NAA35: variants seen among roughly 807,000 people sequenced by gnomAD.
The protein encoded by NAA35 is MAK10 homolog, amino-acid N-acetyltransferase subunit.
Under a neutral mutation model 101.7 loss-of-function variants are expected in NAA35, and 18 were observed. The ratio of observed to expected loss-of-function variants is 0.18; its 90% confidence interval spans 0.12 to 0.26. The LOEUF is 0.26. Among genes scored for constraint, NAA35 ranks in the 10% least tolerant of loss-of-function variants. The probability of loss-of-function intolerance (pLI) is 1.00; values close to 1 mark genes in which losing one functional copy is unlikely to be tolerated. For missense variants in NAA35, 601 were observed against 886.8 expected (o/e 0.68, Z 4.09); for synonymous variants, 267 against 273.1 (o/e 0.98, Z 0.22).
intron 11 of NAA35, among the ~76,000 whole-genome samples, chr9:85,988,096 C>A (rs1830729335): frequency 6.6e-6 from 1 of 152,184 alleles, no homozygotes; most frequent in Non-Finnish European, 1.5e-5. Context: ...AACACATGCA[C>A]ACGGGCACAT....
In NAA35 at chr9:86,013,792, T is replaced by C; in HGVS notation, c.1463T>C (p.Leu488Ser). The change falls in exon 17 of 23, where the codon TTA (leucine) becomes TCA (serine). Residue 488 changes from leucine to serine, a missense_variant. Physicochemically the swap from Leu to Ser is moderately radical, Grantham distance 145. Around this residue, in one of 8 missense-constraint regions of NAA35, gnomAD observed 99 missense variants for 206.7 expected, o/e 0.48. Transcript: ENST00000361671. ...CCCCAAAGGCAACATTTGGCCTGTT[T>C]AGGTACCTGGGTCCTTTACCATAAC... is the stretch of plus-strand genomic sequence containing the variant. The part of the protein sequence containing the change: ...QEPQRQHLAC[L>S]GTWVLYHNLR... The C allele has an allele frequency of 6.2e-7, 1 of 1,614,166 alleles. No homozygotes were observed. The highest frequency in any genetic ancestry group is 8.5e-7 in the Non-Finnish European group (1 of 1,179,998).
intron 12 of NAA35, 30 bp downstream of exon 12, chr9:85,996,607 A>G: frequency 6.8e-7 from 1 of 1,469,866 alleles, no homozygotes. Context: ...CCAGAATGTA[A>G]CTTCCATTTA....
intron 5 of NAA35, among the ~76,000 whole-genome samples, chr9:85,960,845 A>G (rs1829482589): frequency 6.6e-6 from 1 of 152,228 alleles, no homozygotes; most frequent in South Asian, 2.1e-4. Flanking sequence ...GAAAGGAATT[A>G]ATACTGGTGT....
intron 6 of NAA35, among the ~76,000 whole-genome samples, chr9:85,969,978 A>C (rs1006367196): frequency 3.2e-4 from 49 of 152,110 alleles, no homozygotes; most frequent in Admixed American, 2.9e-3. Context: ...GTCATCAAAG[A>C]CCTCAGTGTT....
At chr9:85,962,207 T>C (rs1564292018) in intron 6 of NAA35, 27 bp downstream of exon 6, 2 of 1,607,932 alleles carry the variant, frequency 1.2e-6, no homozygotes, top group East Asian at 2.2e-5. Flanking sequence ...TAAGAAATCC[T>C]TGGCCAGGTG....
intron 3 of NAA35, 56 bp downstream of exon 3, chr9:85,956,449 TC>T: frequency 2.8e-6 from 3 of 1,084,176 alleles, no homozygotes; most frequent in Non-Finnish European, 3.9e-6. Context: ...TGTTTTTTTT[TC>T]CTCATGTGGA....
At chr9:85,973,961 T>C (rs1382092317) in intron 6 of NAA35, among the ~76,000 whole-genome samples, 1 of 152,054 alleles carries the variant, frequency 6.6e-6, no homozygotes, top group South Asian at 2.1e-4. Flanking sequence ...GGATTCTATC[T>C]ACATTTTTTT....
chr9:85,989,805 A>G (rs1004160659), intron 11 of NAA35, among the ~76,000 whole-genome samples: 4 of 152,242 alleles, frequency 2.6e-5, no homozygotes, highest in Admixed American at 2.6e-4. Flanking sequence ...TCTTGACAAT[A>G]TAAAAGTAAT....
chr9:86,012,236 A>G (rs1831974236), intron 15 of NAA35, among the ~76,000 whole-genome samples: 1 of 151,012 alleles, frequency 6.6e-6, no homozygotes, highest in Admixed American at 6.6e-5. Context: ...TCTCTGCCTC[A>G]GCCTCCCATG....
intron 12 of NAA35, among the ~76,000 whole-genome samples, chr9:85,999,045 A>C (rs969599837): frequency 6.6e-6 from 1 of 152,192 alleles, no homozygotes; most frequent in Non-Finnish European, 1.5e-5. Flanking sequence ...ACCCAGCTTA[A>C]GTCTTCATTC....
At chr9:86,003,667 ATACT>A in intron 13 of NAA35, 23 bp downstream of exon 13, 1 of 1,437,258 alleles carries the variant, frequency 7.0e-7, no homozygotes, top group Non-Finnish European at 9.7e-7. Context: ...TAGTATCAAA[ATACT>A]TATTTAAACA....
chr9:85,964,349 C>T (rs935732545), intron 6 of NAA35, among the ~76,000 whole-genome samples: 1 of 152,112 alleles, frequency 6.6e-6, no homozygotes, highest in African/African-American at 2.4e-5. Context: ...AAGTTGTGCC[C>T]ATTAAAGCCT....
intron 6 of NAA35, among the ~76,000 whole-genome samples, chr9:85,974,620 A>G (rs73474791): frequency 0.067 from 10,263 of 152,234 alleles, 1,124 homozygotes; most frequent in African/African-American, 0.23. Flanking sequence ...TAATTATTAC[A>G]TATTTACTGT....
At position 85,958,606 on chromosome 9, in the gene NAA35, T is replaced by C; in HGVS notation, c.273+20T>C. 5 of 1,512,226 alleles carry C rather than the reference T, an allele frequency of 3.3e-6. No individual in the cohort carries two copies. Among genetic ancestry groups the C allele is most frequent in the Non-Finnish European group, 4.5e-6 (5 of 1,101,516 alleles). The allele number at this position is 1,512,226 out of a possible 1,614,324, so 93.7% of individuals were successfully genotyped here. A position where few individuals can be genotyped will look rare whatever the true frequency, so the allele number is the denominator to read the frequency against. Reference sequence around the variant, plus strand: ...ATCAAGGTAGTTACCATTGTACTTTTTGTGTTTCCATTTATCTTTTGTTAC... The same window carrying C: ...ATCAAGGTAGTTACCATTGTACTTTCTGTGTTTCCATTTATCTTTTGTTAC... On this transcript the variant is annotated intron_variant, in intron 4 of 22. Transcript: ENST00000361671.
intron 11 of NAA35, among the ~76,000 whole-genome samples, chr9:85,985,634 C>T (rs1277295050): frequency 3.3e-5 from 5 of 151,930 alleles, no homozygotes; most frequent in Admixed American, 6.6e-5. Flanking sequence ...AGAGTTTCTT[C>T]GTGGGTGATG....
chr9:85,960,548 T>C (rs1281245043), intron 5 of NAA35, among the ~76,000 whole-genome samples: 1 of 152,254 alleles, frequency 6.6e-6, no homozygotes, highest in Admixed American at 6.5e-5. Flanking sequence ...TTATTAGATA[T>C]CTGTATTATC....
chr9:86,023,679 CTGAT>C lies in NAA35; in HGVS notation c.*1722_*1725del, dbSNP rs1285040570. 6.6e-6 allele frequency among the ~76,000 whole-genome samples: 1 copy of C among 152,170 alleles called. No homozygotes were observed. Among genetic ancestry groups the C allele is most frequent in the Non-Finnish European group, 1.5e-5 (1 of 68,044 alleles). On this transcript the variant is annotated 3_prime_UTR_variant, in exon 23 of 23. Coordinates refer to ENST00000361671, the MANE Select transcript of NAA35 (RefSeq NM_024635.4). ...TGCTGGCATTTTTTAGCTACTATGT[CTGAT>C]TGGGTCTGCTGGTATAGACGAGCAT... is the stretch of plus-strand genomic sequence containing the variant.
In NAA35 at chr9:86,021,783, A is replaced by G. The variant is rs891278997; in HGVS notation, c.2119-118A>G. 10 of 816,690 alleles carry G rather than the reference A, an allele frequency of 1.2e-5. No homozygotes were observed. The African/African-American group carries it at 1.2e-4, about 10-fold the overall frequency. The allele number at this position is 816,690 out of a possible 1,614,324, so 50.6% of individuals were successfully genotyped here. A position where few individuals can be genotyped will look rare whatever the true frequency, so the allele number is the denominator to read the frequency against. On this transcript the variant is annotated intron_variant, in intron 22 of 22. Coordinates refer to ENST00000361671, the MANE Select transcript of NAA35 (RefSeq NM_024635.4). ...GTCATTAACCTAGTTTTTAAAATCTATTTTGTGCTGCCTTGTTTCTAAGAA... is the reference window on the plus strand; with the variant it reads ...GTCATTAACCTAGTTTTTAAAATCTGTTTTGTGCTGCCTTGTTTCTAAGAA...
chr9:85,972,327 G>A (rs1437611806), intron 6 of NAA35, among the ~76,000 whole-genome samples: 1 of 151,672 alleles, frequency 6.6e-6, no homozygotes, highest in African/African-American at 2.4e-5. Flanking sequence ...ACAACATGGC[G>A]AGATCTCATC....
Sources: gnomAD v4.1 joint callset for allele counts (sites outside exome capture counted in the v4.1 genomes callset) on GRCh38, gnomAD v4.1.1 for gene constraint, gnomAD v4.1.1 regional missense constraint, MANE v1.5 for transcripts, NCBI Gene and HGNC (gene_info 2026-07-23, HGNC 2026-07-21) for gene names.